Variants in DNAL4 observed in about 807,000 individuals in gnomAD.
DNAL4 encodes dynein light chain, outer arm 4.
A neutral mutation model predicts 12.6 loss-of-function variants in DNAL4; 10 were observed. The observed-to-expected ratio is 0.79, with a 90% CI of 0.49 to 1.34. The LOEUF (loss-of-function observed/expected upper bound fraction) is 1.34. Ranked by LOEUF, DNAL4 falls within the 40% of genes most tolerant of loss-of-function variation. The pLI is 0.00. For synonymous variants in DNAL4, 46 were observed against 53.1 expected (o/e 0.87, Z 0.58); for missense variants, 128 against 138.1 (o/e 0.93, Z 0.37).
intron 3 of DNAL4, among the ~76,000 whole-genome samples, chr22:38,780,270 C>T (rs1224546420): frequency 2.6e-5 from 4 of 152,214 alleles, no homozygotes; most frequent in African/African-American, 9.7e-5. Context: ...TAAATACATC[C>T]TCACAACTGG....
Position 38,779,226 on chromosome 22 carries a change from G to T in DNAL4, c.*223C>A. On this transcript the variant is annotated 3_prime_UTR_variant, in exon 4 of 4. Coordinates refer to ENST00000216068, the MANE Select transcript of DNAL4 (RefSeq NM_005740.3). This position sits in a 1 kb window ranked among gnomAD's most constrained non-coding sequence, Gnocchi z 4.3. ...ACGTCTCCCACACAGACCCATGCCCGCTGCCCCGTCCACACCCTGAGACTC... is the reference window on the plus strand; with the variant it reads ...ACGTCTCCCACACAGACCCATGCCCTCTGCCCCGTCCACACCCTGAGACTC... 1 of 514,486 alleles carries T rather than the reference G, an allele frequency of 1.9e-6. No homozygotes were observed. Among genetic ancestry groups the T allele is most frequent in the Non-Finnish European group, 3.3e-6 (1 of 305,236 alleles). The allele number at this position is 514,486 out of a possible 1,614,324, so 31.9% of individuals were successfully genotyped here. A position where few individuals can be genotyped will look rare whatever the true frequency, so the allele number is the denominator to read the frequency against.
In DNAL4 at chr22:38,779,895, C is replaced by T. The variant is rs1027510372; in HGVS notation, c.154-282G>A. Among the ~76,000 whole-genome samples the T allele has an allele frequency of 2.0e-5, 3 of 152,214 alleles. No homozygotes were observed. The highest frequency in any genetic ancestry group is 7.2e-5 in the African/African-American group (3 of 41,450). ...GTCTGGAGATAGCCTGGGGCTGCGT[C>T]CTGGCTCTGCACTTAGTGCGGGCTT... On this transcript the variant is annotated intron_variant, in intron 3 of 3. Transcript: ENST00000216068. The surrounding 1 kb of genome is among the most constrained non-coding windows in gnomAD (Gnocchi z 4.3).
At chr22:38,785,731 T>G (rs1258569546) in intron 1 of DNAL4, 1 of 152,282 alleles carries the variant, frequency 6.6e-6, no homozygotes, top group Non-Finnish European at 1.5e-5. Flanking sequence ...TTTGCAGCCG[T>G]CAGCAAGTAA....
At chr22:38,784,975 ACC>A (rs34429714) in intron 1 of DNAL4, among the ~76,000 whole-genome samples, 25 of 112,464 alleles carry the variant, frequency 2.2e-4, no homozygotes, top group African/African-American at 5.4e-4. Flanking sequence ...CCTGGCACAG[ACC>A]CCCCCCCCCA....
chr22:38,787,450 C>T (rs1166922510), intron 1 of DNAL4, among the ~76,000 whole-genome samples: 1 of 152,014 alleles, frequency 6.6e-6, no homozygotes, highest in Non-Finnish European at 1.5e-5. Context: ...CCATGTTGGC[C>T]AGGCTGGTCT....
At chr22:38,791,676 G>A (rs1193391066) in intron 1 of DNAL4, among the ~76,000 whole-genome samples, 1 of 151,330 alleles carries the variant, frequency 6.6e-6, no homozygotes, top group Non-Finnish European at 1.5e-5. Context: ...ACAGGTGTGA[G>A]CCACTGCGCC....
rs1195042352 is a variant in DNAL4 at position 38,778,870 on chromosome 22, TG to T, written c.*578del. Reference sequence around the variant, plus strand: ...CTTGGTCCCCACCAAGGCTGGGGGCTGGGGGGGCTGCTGGCCCAGTGAGATG... The same window carrying T: ...CTTGGTCCCCACCAAGGCTGGGGGCTGGGGGGCTGCTGGCCCAGTGAGATG... On this transcript the variant is annotated 3_prime_UTR_variant, in exon 4 of 4. Coordinates refer to ENST00000216068, the MANE Select transcript of DNAL4 (RefSeq NM_005740.3). 7 of 152,466 alleles carry T rather than the reference TG, an allele frequency of 4.6e-5. No homozygotes were observed. Among genetic ancestry groups the T allele is most frequent in the South Asian group, 2.1e-4 (1 of 4,822 alleles). 9.4% of individuals were successfully genotyped at this position (152,466 alleles called of 1,614,324 possible). A position where few individuals can be genotyped will look rare whatever the true frequency, so the allele number is the denominator to read the frequency against.
intron 1 of DNAL4, among the ~76,000 whole-genome samples, chr22:38,783,967 T>G (rs1024070539): frequency 4.6e-5 from 7 of 150,950 alleles, no homozygotes; most frequent in Admixed American, 1.3e-4. Flanking sequence ...ATTCAAAGTT[T>G]TTTTTTTTTT....
In DNAL4 at chr22:38,779,518, G is replaced by A. The variant is rs553838266; in HGVS notation, c.249C>T (p.His83=). The A allele has an allele frequency of 3.2e-6, 5 of 1,583,134 alleles. No homozygotes were observed. Among genetic ancestry groups the A allele is most frequent in the African/African-American group, 1.3e-5 (1 of 74,368 alleles). The part of the protein sequence containing the change: ...IGEGFGFEIT[H]EVKNLLYLYF... ...ACAGGTAGAGGAGGTTCTTCACCTC[G>A]TGGGTGATCTCAAACCCAAAGCCCT... Residue 83 remains histidine (H), a synonymous_variant, in exon 4 of 4, where the codon CAC becomes CAT. Transcript: ENST00000216068. This position sits in a 1 kb window ranked among gnomAD's most constrained non-coding sequence, Gnocchi z 4.3.
intron 3 of DNAL4, among the ~76,000 whole-genome samples, chr22:38,780,021 C>T (rs1320396393): frequency 6.6e-6 from 1 of 152,190 alleles, no homozygotes; most frequent in Non-Finnish European, 1.5e-5. Flanking sequence ...CTGCAGACTG[C>T]GAGGTACCTG....
intron 2 of DNAL4, 26 bp from the exon 3 acceptor site, chr22:38,781,035 CAA>C: frequency 3.1e-6 from 5 of 1,613,374 alleles, no homozygotes; most frequent in Non-Finnish European, 4.2e-6. Context: ...GGGTAACAAA[CAA>C]GAGACAGGCT....
chr22:38,789,371 T>C (rs1413933084), intron 1 of DNAL4, among the ~76,000 whole-genome samples: 1 of 151,974 alleles, frequency 6.6e-6, no homozygotes, highest in African/African-American at 2.4e-5. Context: ...GCTCAGATGA[T>C]CCTCCTGAGT....
intron 1 of DNAL4, chr22:38,786,035 AGAT>A (rs1285234496): frequency 6.6e-6 from 1 of 152,244 alleles, no homozygotes; most frequent in Non-Finnish European, 1.5e-5. Context: ...GAATCGTTAT[AGAT>A]GATGTGTTTC....
intron 1 of DNAL4, among the ~76,000 whole-genome samples, chr22:38,784,566 A>G (rs1489697934): frequency 6.9e-6 from 1 of 144,374 alleles, no homozygotes; most frequent in Non-Finnish European, 1.5e-5. Context: ...GCTGGAGTGC[A>G]GTGGCACGAT....
rs2093037147 is a variant in DNAL4, at chr22:38,783,282, A to ACACACGGGCC, written c.-139-413_-139-412insGGCCCGTGTG. On this transcript the variant is annotated intron_variant, in intron 1 of 3. Coordinates refer to ENST00000216068, the MANE Select transcript of DNAL4 (RefSeq NM_005740.3). Reference sequence around the variant, plus strand: ...ACACACGGGCCTTCCCTCCCACTACATACACGGGCCTTCCCTCCCACTACA... The same window carrying ACACACGGGCC: ...ACACACGGGCCTTCCCTCCCACTACACACACGGGCCTACACGGGCCTTCCCTCCCACTACA... 1.2e-4 allele frequency among the ~76,000 whole-genome samples: 17 copies of ACACACGGGCC among 136,880 alleles called. 7 individuals carry two copies. The highest frequency in any genetic ancestry group is 1.4e-4 in the Admixed American group (2 of 14,000). The allele number at this position is 136,880 out of a possible 152,430, so 89.8% of individuals were successfully genotyped here. A position where few individuals can be genotyped will look rare whatever the true frequency, so the allele number is the denominator to read the frequency against.
intron 1 of DNAL4, among the ~76,000 whole-genome samples, chr22:38,793,362 T>C (rs2093053910): frequency 6.6e-6 from 1 of 152,222 alleles, no homozygotes. Context: ...GTACTTCATA[T>C]TAGCCTCAGA....
rs116505706 is a variant in DNAL4 at position 38,788,110 on chromosome 22, C to T, written c.-139-5240G>A. Among the ~76,000 whole-genome samples the T allele has an allele frequency of 5.5e-3, 831 of 152,296 alleles. 6 individuals carry two copies. The highest frequency in any genetic ancestry group is 0.019 in the African/African-American group (795 of 41,570). On this transcript the variant is annotated intron_variant, in intron 1 of 3. Transcript: ENST00000216068. ...ACATTGGGGACACAGGCGGGCACTC[C>T]AGTCTTCCTTGGCCTTCTAGCGAAC...
At chr22:38,780,837 C>T (rs530244793) in intron 3 of DNAL4, 89 bp downstream of exon 3, 5 of 1,335,602 alleles carry the variant, frequency 3.7e-6, no homozygotes, top group Non-Finnish European at 5.3e-6. Flanking sequence ...GCAGTACTGT[C>T]TGGAGCCAAC....
intron 1 of DNAL4, among the ~76,000 whole-genome samples, chr22:38,790,888 C>T (rs564899851): frequency 1.3e-5 from 2 of 152,266 alleles, no homozygotes; most frequent in South Asian, 4.1e-4. Context: ...GTACAGTTGG[C>T]CGGGTGCGGT....
Sources: gnomAD v4.1 joint callset for allele counts (sites outside exome capture counted in the v4.1 genomes callset) on GRCh38, gnomAD v4.1.1 for gene constraint, Gnocchi (gnomAD v3.1) non-coding constraint, MANE v1.5 for transcripts, NCBI Gene and HGNC (gene_info 2026-07-23, HGNC 2026-07-21) for gene names.